VCPKMT: variants seen among roughly 807,000 people sequenced by gnomAD.
VCPKMT encodes valosin containing protein lysine methyltransferase.
VCPKMT carries 32 observed loss-of-function variants against 28.6 expected under a neutral mutation model. That is an observed-to-expected ratio of 1.12 (90% CI 0.84 to 1.50). The LOEUF (loss-of-function observed/expected upper bound fraction) is 1.50. VCPKMT is among the 40% of genes most tolerant of loss of function. The pLI is 0.00. For missense variants in VCPKMT, 366 were observed against 285.0 expected (o/e 1.28, Z -2.05); for synonymous variants, 138 against 111.4 (o/e 1.24, Z -1.50).
Position 50,108,687 on chromosome 14 carries a change from A to C in VCPKMT, c.*1012T>G. ...ACATAAAATGTACCATCTAGCACCA[A>C]TGCCTATAAATACCAGAATTCCATC... On this transcript the variant is annotated 3_prime_UTR_variant, in exon 6 of 6. Transcript: ENST00000395860. The C allele has an allele frequency of 1.0e-6, 1 of 985,866 alleles. No individual in the cohort carries two copies. The highest frequency in any genetic ancestry group is 4.7e-5 in the South Asian group (1 of 21,290). 61.1% of individuals were successfully genotyped at this position (985,866 alleles called of 1,614,324 possible).
chr14:50,109,546 C>T lies in VCPKMT; in HGVS notation c.*153G>A. The T allele has an allele frequency of 5.9e-6, 8 of 1,348,228 alleles. No individual in the cohort carries two copies. The highest frequency in any genetic ancestry group is 7.6e-6 in the Non-Finnish European group (8 of 1,052,554). 83.5% of individuals were successfully genotyped at this position (1,348,228 alleles called of 1,614,324 possible). A position where few individuals can be genotyped will look rare whatever the true frequency, so the allele number is the denominator to read the frequency against. ...CAGGAATTTTTCGTATTGCAGACAG[C>T]CCCTGGTGGTCATCATCTATACATC... is the stretch of plus-strand genomic sequence containing the variant. On this transcript the variant is annotated 3_prime_UTR_variant, in exon 6 of 6. Coordinates refer to ENST00000395860, the MANE Select transcript of VCPKMT (RefSeq NM_024558.3).
chr14:50,106,972 G>T (rs61590374), downstream of VCPKMT, among the ~76,000 whole-genome samples: 762 of 152,294 alleles, frequency 5.0e-3, 5 homozygotes, highest in African/African-American at 0.016. Flanking sequence ...TGCCTGCCTT[G>T]GCCTCCCAAA....
chr14:50,102,982 C>T, the VCPKMT span, among the ~76,000 whole-genome samples: 1 of 152,168 alleles, frequency 6.6e-6, no homozygotes, highest in Non-Finnish European at 1.5e-5. Flanking sequence ...CGCATATGGC[C>T]CAGGACATCT....
downstream of VCPKMT, among the ~76,000 whole-genome samples, chr14:50,105,106 T>C (rs763451038): frequency 4.6e-5 from 7 of 152,156 alleles, no homozygotes; most frequent in Non-Finnish European, 8.8e-5. Flanking sequence ...TTTTAACAAC[T>C]TCCTTTCTAG....
chr14:50,116,018 A>T, intron 2 of VCPKMT, 51 bp downstream of exon 2: 1 of 1,594,054 alleles, frequency 6.3e-7, no homozygotes, highest in Non-Finnish European at 8.6e-7. Flanking sequence ...AACGCAATTC[A>T]AAACAAACTA....
chr14:50,115,472 G>T (rs1258990988), intron 3 of VCPKMT, among the ~76,000 whole-genome samples: 1 of 152,052 alleles, frequency 6.6e-6, no homozygotes. Flanking sequence ...TTAAAGAAAA[G>T]AACAATGAAT....
At chr14:50,105,268 GA>G (rs1331164923), downstream of VCPKMT, among the ~76,000 whole-genome samples, 1 of 152,092 alleles carries the variant, frequency 6.6e-6, no homozygotes, top group African/African-American at 2.4e-5. Flanking sequence ...AGAAAGGTAA[GA>G]AAAAATTAAA....
chr14:50,112,836 G>C (rs537944774), intron 4 of VCPKMT, 117 bp from the exon 5 acceptor site: 2 of 625,690 alleles, frequency 3.2e-6, no homozygotes, highest in East Asian at 6.9e-5. Flanking sequence ...ACCCAGGCTG[G>C]AGTGCAGTGG....
rs1566807810 is a variant in VCPKMT, at chr14:50,113,809, G to GGGGGGGGGGGT, written c.570+475_570+476insACCCCCCCCCC. Among the ~76,000 whole-genome samples, 4 of 39,816 alleles carry GGGGGGGGGGGT rather than the reference G, an allele frequency of 1.0e-4. 1 individual carries two copies. Among genetic ancestry groups the GGGGGGGGGGGT allele is most frequent in the Admixed American group, 6.7e-4 (2 of 2,992 alleles). The allele number at this position is 39,816 out of a possible 152,430, so 26.1% of individuals were successfully genotyped here. On this transcript the variant is annotated intron_variant, in intron 4 of 5. Coordinates refer to ENST00000395860, the MANE Select transcript of VCPKMT (RefSeq NM_024558.3). ...TACTTGGGGGCGGGGGGGGGGGGGG[G>GGGGGGGGGGGT]TGACACTGAGGCAGGAGGATCACTT... is the stretch of plus-strand genomic sequence containing the variant.
At position 50,116,548 on chromosome 14, in the gene VCPKMT, G is replaced by A. The variant is rs376292844; in HGVS notation, c.5C>T (p.Ala2Val). 8.1e-6 allele frequency: 13 copies of A among 1,603,476 alleles called. No individual in the cohort carries two copies. The Admixed American group carries it at 1.0e-4, about 12-fold the overall frequency. MADTLESSLEDP... is the reference protein window; with the variant it reads MVDTLESSLEDP... ...CTCCAGCGAGGACTCCAGCGTATCC[G>A]CCATTGCGCCCGGCAACAGAAAGCG... Residue 2 changes from alanine to valine, a missense_variant, in exon 1 of 6, where the codon GCG becomes GTG. Ala to Val is a moderately conservative substitution (Grantham distance 64, BLOSUM62 0). Transcript: ENST00000395860.
chr14:50,107,368 G>A (rs897433549), downstream of VCPKMT, among the ~76,000 whole-genome samples: 4 of 151,680 alleles, frequency 2.6e-5, no homozygotes, highest in Non-Finnish European at 5.9e-5. Context: ...AGGCTGGAGT[G>A]CAGTGGCTCC....
chr14:50,109,681 G>A lies in VCPKMT; in HGVS notation c.*18C>T, dbSNP rs1274714022. 2 of 1,600,432 alleles carry A rather than the reference G, an allele frequency of 1.2e-6. No homozygotes were observed. The highest frequency in any genetic ancestry group is 1.7e-6 in the Non-Finnish European group (2 of 1,173,996). On this transcript the variant is annotated 3_prime_UTR_variant, in exon 6 of 6. Transcript: ENST00000395860. ...TTTACCCAGGTTGTTAGAGCCTTGGGTAAGATGATTAAAGGCTTCACGATG... is the reference window on the plus strand; with the variant it reads ...TTTACCCAGGTTGTTAGAGCCTTGGATAAGATGATTAAAGGCTTCACGATG...
chr14:50,109,659 AC>A lies in VCPKMT; in HGVS notation c.*39del, dbSNP rs1159838917. The A allele has an allele frequency of 9.4e-6, 15 of 1,587,310 alleles. No homozygotes were observed. Among genetic ancestry groups the A allele is most frequent in the Non-Finnish European group, 1.3e-5 (15 of 1,169,156 alleles). ...CATGCTCTATTCACATCTTTAGTTT[AC>A]CCAGGTTGTTAGAGCCTTGGGTAAG... On this transcript the variant is annotated 3_prime_UTR_variant, in exon 6 of 6. Transcript: ENST00000395860.
At chr14:50,111,957 G>A in intron 5 of VCPKMT, 1 of 985,274 alleles carries the variant, frequency 1.0e-6, no homozygotes, top group Non-Finnish European at 1.2e-6. Flanking sequence ...TGTCACTGAG[G>A]CAACCTGCAT....
At position 50,116,519 on chromosome 14, in the gene VCPKMT, G is replaced by T. The variant is rs747214047; in HGVS notation, c.34C>A (p.Pro12Thr). The T allele has an allele frequency of 1.2e-5, 20 of 1,613,242 alleles. No homozygotes were observed. The Admixed American group carries it at 3.0e-4, about 24-fold the overall frequency. ...AAAACTCGCACAAAGCTCCGCAGTG[G>T]GTCCTCCAGCGAGGACTCCAGCGTA... ...ADTLESSLED[P>T]LRSFVRVLEK... is the part of the protein sequence containing the mutation. The change falls in exon 1 of 6, where the codon CCA becomes ACA. Residue 12 changes from proline (P) to threonine (T), a missense_variant. Pro to Thr is a conservative substitution (Grantham distance 38). Coordinates refer to ENST00000395860, the MANE Select transcript of VCPKMT (RefSeq NM_024558.3).
At chr14:50,109,830 C>T in intron 5 of VCPKMT, 117 bp from the exon 6 acceptor site, 1 of 1,204,428 alleles carries the variant, frequency 8.3e-7, no homozygotes, top group Middle Eastern at 2.1e-4. Flanking sequence ...ACAGTGGCTA[C>T]ATGCAATTCA....
Position 50,115,830 on chromosome 14 carries a change from G to A in VCPKMT, c.450+9C>T, listed in dbSNP as rs1194154717. ...CTAAGTGAAGAGACTTCGCTCACTGGATACTTACCTCTTCATAGTATATGC... is the reference window on the plus strand; with the variant it reads ...CTAAGTGAAGAGACTTCGCTCACTGAATACTTACCTCTTCATAGTATATGC... On this transcript the variant is annotated intron_variant, in intron 3 of 5. Transcript: ENST00000395860. The A allele has an allele frequency of 1.3e-6, 2 of 1,594,218 alleles. No homozygotes were observed. The highest frequency in any genetic ancestry group is 4.5e-5 in the East Asian group (2 of 44,338).
Position 50,112,662 on chromosome 14 carries a change from A to G in VCPKMT, c.628T>C (p.Tyr210His). The G allele has an allele frequency of 1.3e-6, 2 of 1,575,224 alleles. No homozygotes were observed. Among genetic ancestry groups the G allele is most frequent in the Non-Finnish European group, 8.6e-7 (1 of 1,157,266 alleles). The change falls in exon 5 of 6, where the codon TAT becomes CAT. Residue 210 changes from tyrosine to histidine, a missense_variant. By Grantham distance (83) the Tyr-to-His change is moderately conservative (BLOSUM62 2). Transcript: ENST00000395860. ...ATAATATGAATATCTTCACTTCGATACTCTTCATCATGTTTTTCCAAAGGA... is the reference window on the plus strand; with the variant it reads ...ATAATATGAATATCTTCACTTCGATGCTCTTCATCATGTTTTTCCAAAGGA... ...KIPLEKHDEE[Y>H]RSEDIHIIYI...
At chr14:50,114,262 A>T in intron 4 of VCPKMT, 23 bp downstream of exon 4, 1 of 1,534,408 alleles carries the variant, frequency 6.5e-7, no homozygotes, top group South Asian at 1.3e-5. Flanking sequence ...CACTACAAAG[A>T]TAATAGAGTA....
Sources: allele counts gnomAD v4.1 joint callset (sites outside exome capture counted in the v4.1 genomes callset), GRCh38; gene constraint gnomAD v4.1.1; transcripts MANE v1.5; gene names NCBI Gene and HGNC (gene_info 2026-07-23, HGNC 2026-07-21).